The following TMEM170B variants were observed in gnomAD, a reference collection of about 807,000 sequenced individuals.
The protein encoded by TMEM170B is transmembrane protein 170B.
In TMEM170B, 6 loss-of-function variants were observed where a neutral mutation model predicts 13.0. That is an observed-to-expected ratio of 0.46 (90% CI 0.25 to 0.91). The LOEUF (loss-of-function observed/expected upper bound fraction) is 0.91, where lower values mean the gene tolerates loss of function less well. Among genes scored for constraint, TMEM170B ranks in the 40% least tolerant of loss-of-function variants. The pLI is 0.17. For missense variants in TMEM170B, 138 were observed against 165.2 expected (o/e 0.84, Z 0.90); for synonymous variants, 61 against 64.9 (o/e 0.94, Z 0.29).
At chr6:11,562,645 T>G (rs1331873367) in intron 1 of TMEM170B, among the ~76,000 whole-genome samples, 1 of 152,156 alleles carries the variant, frequency 6.6e-6, no homozygotes, top group Non-Finnish European at 1.5e-5. Flanking sequence ...AGAGAGCTTA[T>G]GTACCCTTTA....
At chr6:11,562,659 A>T (rs529584450) in intron 1 of TMEM170B, among the ~76,000 whole-genome samples, 1 of 152,262 alleles carries the variant, frequency 6.6e-6, no homozygotes, top group African/African-American at 2.4e-5. Context: ...CCCTTTATCC[A>T]GTTTACCCAA....
chr6:11,574,797 G>A (rs1251785220), intron 2 of TMEM170B, among the ~76,000 whole-genome samples: 1 of 152,082 alleles, frequency 6.6e-6, no homozygotes. Context: ...AACCTCACTA[G>A]AATAGATGTC....
At position 11,565,683 on chromosome 6, in the gene TMEM170B, TTCCTC is replaced by T; in HGVS notation, c.117_121del (p.Phe39LeufsTer25). On this transcript the variant is annotated frameshift_variant, in exon 2 of 3. Transcript: ENST00000379426. LOFTEE classifies it high-confidence loss of function. ...CCTTTCAGAGATGTGGTACTGGATC[TTCCTC>T]TGGGCTCTCTTCTCTTCTCTGTTTG... The T allele has an allele frequency of 6.2e-7, 1 of 1,614,170 alleles. No individual in the cohort carries two copies. Among genetic ancestry groups the T allele is most frequent in the Non-Finnish European group, 8.5e-7 (1 of 1,179,986 alleles).
rs2113789691 is a variant in TMEM170B at position 11,579,591 on chromosome 6, C to G, written c.*4030C>G. Reference sequence around the variant, plus strand: ...TTTTCTTATAATCTTGCTTCATCTCCTTTTCACTTTTTCTTTTTAAAATCA... The same window carrying G: ...TTTTCTTATAATCTTGCTTCATCTCGTTTTCACTTTTTCTTTTTAAAATCA... On this transcript the variant is annotated 3_prime_UTR_variant, in exon 3 of 3. Coordinates refer to ENST00000379426, the MANE Select transcript of TMEM170B (RefSeq NM_001100829.3). The G allele has an allele frequency of 6.6e-6, 1 of 152,284 alleles. No individual in the cohort carries two copies. Among genetic ancestry groups the G allele is most frequent in the Admixed American group, 6.5e-5 (1 of 15,304 alleles). The allele number at this position is 152,284 out of a possible 1,614,324, so 9.4% of individuals were successfully genotyped here. A position where few individuals can be genotyped will look rare whatever the true frequency, so the allele number is the denominator to read the frequency against.
At chr6:11,568,876 T>C (rs1237198210) in intron 2 of TMEM170B, among the ~76,000 whole-genome samples, 2 of 152,204 alleles carry the variant, frequency 1.3e-5, no homozygotes, top group Non-Finnish European at 2.9e-5. Flanking sequence ...TATATTTTGC[T>C]ACTTCTTAGA....
chr6:11,543,738 T>G (rs1428809963), intron 1 of TMEM170B, among the ~76,000 whole-genome samples: 1 of 152,156 alleles, frequency 6.6e-6, no homozygotes, highest in Non-Finnish European at 1.5e-5. Context: ...TTGCACAAAT[T>G]TGCTTAATAG....
intron 1 of TMEM170B, among the ~76,000 whole-genome samples, chr6:11,558,815 A>G (rs1248492980): frequency 6.6e-6 from 1 of 152,194 alleles, no homozygotes; most frequent in African/African-American, 2.4e-5. Context: ...ATGTAATTGA[A>G]ATGTCATTAA....
intron 1 of TMEM170B, among the ~76,000 whole-genome samples, chr6:11,542,311 ATAAG>A (rs1427511165): frequency 1.3e-5 from 2 of 152,202 alleles, no homozygotes; most frequent in African/African-American, 4.8e-5. Context: ...ATATTTTTAA[ATAAG>A]TAAGATTCTA....
Position 11,575,288 on chromosome 6 carries a change from A to AC in TMEM170B, c.269-142dup. ...TGTAACTTTCACCAATCACAGGGAA[A>AC]CTTTTTCATAGAAAGTGGATAAAAT... On this transcript the variant is annotated intron_variant, in intron 2 of 2. Coordinates refer to ENST00000379426, the MANE Select transcript of TMEM170B (RefSeq NM_001100829.3). This position sits in a 1 kb window ranked among gnomAD's most constrained non-coding sequence, Gnocchi z 4.1. 1 of 1,168,322 alleles carries AC rather than the reference A, an allele frequency of 8.6e-7. No homozygotes were observed. Among genetic ancestry groups the AC allele is most frequent in the Non-Finnish European group, 1.2e-6 (1 of 833,904 alleles). 72.4% of individuals were successfully genotyped at this position (1,168,322 alleles called of 1,614,324 possible). A position where few individuals can be genotyped will look rare whatever the true frequency, so the allele number is the denominator to read the frequency against.
At chr6:11,548,635 G>A (rs978955935) in intron 1 of TMEM170B, among the ~76,000 whole-genome samples, 4 of 152,174 alleles carry the variant, frequency 2.6e-5, no homozygotes, top group Non-Finnish European at 4.4e-5. Context: ...TATGTTTATT[G>A]TGGCACTATT....
chr6:11,568,423 G>C (rs1289016520), intron 2 of TMEM170B, among the ~76,000 whole-genome samples: 1 of 122,412 alleles, frequency 8.2e-6, no homozygotes, highest in Non-Finnish European at 1.8e-5. Context: ...AGTTTAAATG[G>C]TATGTGTATA....
chr6:11,559,267 G>A (rs12203396), intron 1 of TMEM170B, among the ~76,000 whole-genome samples: 2 of 150,604 alleles, frequency 1.3e-5, no homozygotes, highest in South Asian at 4.2e-4. Flanking sequence ...GATCATGGGT[G>A]ACTGCTGCAG....
chr6:11,565,593 GCTCA>G, intron 1 of TMEM170B, 69 bp from the exon 2 acceptor site: 1 of 1,529,622 alleles, frequency 6.5e-7, no homozygotes, highest in South Asian at 1.1e-5. Flanking sequence ...AACCATAGGT[GCTCA>G]CTGTTTGTTA....
chr6:11,542,582 A>T (rs1218379812), intron 1 of TMEM170B, among the ~76,000 whole-genome samples: 2 of 152,222 alleles, frequency 1.3e-5, no homozygotes, highest in South Asian at 4.1e-4. Flanking sequence ...ATAAAAATGC[A>T]GAAAGAAACA....
At position 11,565,515 on chromosome 6, in the gene TMEM170B, A is replaced by G. The variant is rs929764072; in HGVS notation, c.98-151A>G. 4.3e-6 allele frequency: 3 copies of G among 700,170 alleles called. No individual in the cohort carries two copies. In the South Asian group the frequency reaches 5.5e-5, roughly 13 times the overall value. The allele number at this position is 700,170 out of a possible 1,614,324, so 43.4% of individuals were successfully genotyped here. ...GCGATGATGATAAAACTTATAATGTATTCAGTGCTACTTGTGTCAGGCACT... is the reference window on the plus strand; with the variant it reads ...GCGATGATGATAAAACTTATAATGTGTTCAGTGCTACTTGTGTCAGGCACT... On this transcript the variant is annotated intron_variant, in intron 1 of 2. Coordinates refer to ENST00000379426, the MANE Select transcript of TMEM170B (RefSeq NM_001100829.3).
intron 1 of TMEM170B, among the ~76,000 whole-genome samples, chr6:11,563,127 G>A (rs1759692566): frequency 6.6e-6 from 1 of 152,044 alleles, no homozygotes; most frequent in Non-Finnish European, 1.5e-5. Context: ...ACCTGAGGTC[G>A]GGAGTTTGAG....
intron 1 of TMEM170B, among the ~76,000 whole-genome samples, chr6:11,540,333 T>TTA (rs1360704743): frequency 2.0e-5 from 3 of 152,226 alleles, no homozygotes; most frequent in African/African-American, 7.2e-5. Flanking sequence ...CAAACCCTGC[T>TTA]GCGGCTTTAT....
At chr6:11,567,576 G>A (rs1759751806) in intron 2 of TMEM170B, among the ~76,000 whole-genome samples, 1 of 152,208 alleles carries the variant, frequency 6.6e-6, no homozygotes, top group Non-Finnish European at 1.5e-5. Flanking sequence ...TAAAATACTT[G>A]TGGGAAATGG....
chr6:11,559,385 A>T (rs1215258159), intron 1 of TMEM170B, among the ~76,000 whole-genome samples: 1 of 151,874 alleles, frequency 6.6e-6, no homozygotes, highest in Non-Finnish European at 1.5e-5. Context: ...TTTTGTAGAG[A>T]CAGGGCCTCA....
Sources: gnomAD v4.1 joint callset for allele counts (sites outside exome capture counted in the v4.1 genomes callset) on GRCh38, gnomAD v4.1.1 for gene constraint, Gnocchi (gnomAD v3.1) non-coding constraint, MANE v1.5 for transcripts, NCBI Gene and HGNC (gene_info 2026-07-23, HGNC 2026-07-21) for gene names.